Variants in COL21A1 observed in about 807,000 individuals in gnomAD.
The protein encoded by COL21A1 is collagen alpha-1(XXI) chain.
A neutral mutation model predicts 137.9 loss-of-function variants in COL21A1; 149 were observed. The ratio of observed to expected loss-of-function variants is 1.08; its 90% CI spans 0.95 to 1.24. The LOEUF is 1.24. Among genes scored for constraint, COL21A1 ranks in the 50% most tolerant of loss-of-function variants. The pLI is 0.00. For synonymous variants in COL21A1, 456 were observed against 391.5 expected (o/e 1.16, Z -1.95); for missense variants, 1,167 against 1,158.4 (o/e 1.01, Z -0.11).
rs1404191618 is a variant in COL21A1 at position 56,093,080 on chromosome 6, C to T, written c.1812+8392G>A. Among the ~76,000 whole-genome samples, 5 of 152,120 alleles carry T rather than the reference C, an allele frequency of 3.3e-5. No homozygotes were observed. The East Asian group carries it at 9.6e-4, about 29-fold the overall frequency. ...ACACTAGTGTGACATTTAGGGTCCA[C>T]TGGGATAAGCCAAGATAATCTCCCT... On this transcript the variant is annotated intron_variant, in intron 17 of 29. Transcript: ENST00000244728.
chr6:56,097,834 T>C (rs1304232795), intron 17 of COL21A1, among the ~76,000 whole-genome samples: 7 of 47,010 alleles, frequency 1.5e-4, no homozygotes, highest in African/African-American at 7.1e-4. Context: ...TATAAATATA[T>C]ATAAATATAT....
In COL21A1 at chr6:56,081,995, C is replaced by T. The variant is rs374910167; in HGVS notation, c.1813-4422G>A. On this transcript the variant is annotated intron_variant, in intron 17 of 29. Transcript: ENST00000244728. ...AGCCATTTGGAGGCCATTTTCAAGG[C>T]TACTGCAGTAACTGGCATTTCTTTT... Among the ~76,000 whole-genome samples, 94 of 151,994 alleles carry T rather than the reference C, an allele frequency of 6.2e-4. 1 individual carries two copies. In the South Asian group the frequency reaches 0.019, roughly 30 times the overall value.
chr6:56,112,754 G>A (rs1377392577), intron 16 of COL21A1, among the ~76,000 whole-genome samples: 8 of 146,754 alleles, frequency 5.5e-5, no homozygotes, highest in Admixed American at 4.2e-4. Flanking sequence ...GCGTGATTCC[G>A]GCTCACTGCA....
chr6:56,344,585 T>C (rs1350746781), intron 1 of COL21A1, among the ~76,000 whole-genome samples: 1 of 152,226 alleles, frequency 6.6e-6, no homozygotes, highest in African/African-American at 2.4e-5. Flanking sequence ...GTTCAGTTAA[T>C]AATAGCAGAT....
intron 27 of COL21A1, 123 bp from the exon 28 acceptor site, chr6:56,060,341 G>A: frequency 1.3e-6 from 1 of 794,858 alleles, no homozygotes; most frequent in Non-Finnish European, 2.0e-6. Context: ...CATATTTCTT[G>A]GCCAATAATT....
intron 23 of COL21A1, 21 bp from the exon 24 acceptor site, chr6:56,064,643 T>C (rs1227932918): frequency 1.3e-6 from 2 of 1,537,510 alleles, no homozygotes; most frequent in Non-Finnish European, 1.8e-6. Flanking sequence ...AAAAAAAACA[T>C]TATTGATTAG....
intron 12 of COL21A1, among the ~76,000 whole-genome samples, chr6:56,131,878 A>G (rs1561900130): frequency 6.6e-6 from 1 of 152,184 alleles, no homozygotes; most frequent in Admixed American, 6.5e-5. Flanking sequence ...ACTTAACATG[A>G]AAACAAAGTT....
chr6:56,238,485 C>A (rs971887443), intron 1 of COL21A1, among the ~76,000 whole-genome samples: 3 of 146,814 alleles, frequency 2.0e-5, no homozygotes, highest in Non-Finnish European at 3.0e-5. Flanking sequence ...GAGCTCACCA[C>A]AAACCACTTG....
chr6:56,148,039 G>A (rs1774978123), intron 10 of COL21A1, among the ~76,000 whole-genome samples: 1 of 152,062 alleles, frequency 6.6e-6, no homozygotes, highest in Non-Finnish European at 1.5e-5. Flanking sequence ...ATGAATTCCA[G>A]TTCCTGCATG....
chr6:56,367,958 C>A (rs985309830), intron 1 of COL21A1, among the ~76,000 whole-genome samples: 2 of 152,178 alleles, frequency 1.3e-5, no homozygotes, highest in Non-Finnish European at 2.9e-5. Flanking sequence ...AAGTGATCTG[C>A]CCACCTTGGC....
At chr6:56,146,705 C>T (rs921597496) in intron 10 of COL21A1, among the ~76,000 whole-genome samples, 46 of 151,960 alleles carry the variant, frequency 3.0e-4, no homozygotes, top group African/African-American at 1.1e-3. Flanking sequence ...ATACCATATC[C>T]ACAAAGCCAA....
In COL21A1 at chr6:56,157,072, T is replaced by TTAAA. The variant is rs111577315; in HGVS notation, c.1372-124_1372-123insTTTA. ...GTTTTTTGTATGTTAAAAACAAAAGTAAAAAAAAAAAGCCATATTTTAAAT... is the reference window on the plus strand; with the variant it reads ...GTTTTTTGTATGTTAAAAACAAAAGTTAAAAAAAAAAAAAAGCCATATTTTAAAT... On this transcript the variant is annotated intron_variant, in intron 9 of 29. Coordinates refer to ENST00000244728, the MANE Select transcript of COL21A1 (RefSeq NM_030820.4). 2.8e-4 allele frequency: 137 copies of TTAAA among 497,004 alleles called. 2 individuals carry two copies. The highest frequency in any genetic ancestry group is 4.8e-4 in the African/African-American group (24 of 49,510). 30.8% of individuals were successfully genotyped at this position (497,004 alleles called of 1,614,324 possible).
chr6:56,098,726 T>C (rs1243147687), intron 17 of COL21A1, among the ~76,000 whole-genome samples: 1 of 100,086 alleles, frequency 1.0e-5, no homozygotes, highest in African/African-American at 3.9e-5. Context: ...TAAATATATA[T>C]ATATTTTGAG....
chr6:56,060,714 TA>T (rs770387048), intron 27 of COL21A1, 26 bp downstream of exon 27: 10 of 1,564,260 alleles, frequency 6.4e-6, no homozygotes, highest in Admixed American at 1.9e-5. Flanking sequence ...TGAGAAAAGT[TA>T]TTAAAATGCT....
At chr6:56,310,870 A>G (rs780925513) in intron 1 of COL21A1, among the ~76,000 whole-genome samples, 1 of 152,006 alleles carries the variant, frequency 6.6e-6, no homozygotes, top group South Asian at 2.1e-4. Flanking sequence ...TAATAGATAC[A>G]TTGATAGATT....
At chr6:56,256,668 C>T (rs974395694) in intron 1 of COL21A1, among the ~76,000 whole-genome samples, 12 of 151,718 alleles carry the variant, frequency 7.9e-5, no homozygotes, top group South Asian at 6.3e-4. Flanking sequence ...ATTATCTGTT[C>T]TCTCCCTTCT....
chr6:56,170,124 G>A (rs17819753), intron 5 of COL21A1, among the ~76,000 whole-genome samples: 10,128 of 151,436 alleles, frequency 0.067, 399 homozygotes, highest in Admixed American at 0.11. Context: ...ATTCCATTAG[G>A]GTAAATAAAA....
chr6:56,252,974 A>T (rs1030277518), intron 1 of COL21A1, among the ~76,000 whole-genome samples: 5 of 152,216 alleles, frequency 3.3e-5, no homozygotes, highest in Non-Finnish European at 7.3e-5. Context: ...TAAATCGAAG[A>T]GCCTAATACA....
rs149064129 is a variant in COL21A1, at chr6:56,072,441, A to G, written c.1966-1643T>C. Among the ~76,000 whole-genome samples, 105 of 151,656 alleles carry G rather than the reference A, an allele frequency of 6.9e-4. 3 individuals are homozygous for G. The highest frequency in any genetic ancestry group is 3.5e-3 in the Admixed American group (53 of 15,156). Reference sequence around the variant, plus strand: ...TAGAGGTTTTCTAAAGATCTGCCTCAGTTTCAGCCTTATCTCTGCCCTACT... The same window carrying G: ...TAGAGGTTTTCTAAAGATCTGCCTCGGTTTCAGCCTTATCTCTGCCCTACT... On this transcript the variant is annotated intron_variant, in intron 20 of 29. Coordinates refer to ENST00000244728, the MANE Select transcript of COL21A1 (RefSeq NM_030820.4).
Sources: gnomAD v4.1 joint callset for allele counts (sites outside exome capture counted in the v4.1 genomes callset) on GRCh38, gnomAD v4.1.1 for gene constraint, MANE v1.5 for transcripts, NCBI Gene and HGNC (gene_info 2026-07-23, HGNC 2026-07-21) for gene names.